Variants in AGMO observed in about 807,000 individuals in gnomAD.
AGMO encodes the protein glyceryl-ether monooxygenase.
A neutral mutation model predicts 60.2 loss-of-function variants in AGMO; 75 were observed. The observed-to-expected ratio is 1.25, with a 90% CI of 1.03 to 1.51. AGMO has a LOEUF of 1.51. Ranked by LOEUF, AGMO falls within the 40% of genes most tolerant of loss-of-function variation. The probability of loss-of-function intolerance (pLI) is 0.00; values close to 1 mark genes in which losing one functional copy is unlikely to be tolerated. For synonymous variants in AGMO, 261 were observed against 177.1 expected (o/e 1.47, Z -3.76); for missense variants, 763 against 525.5 (o/e 1.45, Z -4.42).
intron 3 of AGMO, among the ~76,000 whole-genome samples, chr7:15,536,318 T>C (rs746891346): frequency 4.6e-5 from 7 of 151,902 alleles, no homozygotes; most frequent in Non-Finnish European, 1.0e-4. Context: ...TTTTTACCAC[T>C]ATACTTGTCG....
At chr7:15,341,137 T>C (rs997853865) in intron 12 of AGMO, among the ~76,000 whole-genome samples, 1 of 152,174 alleles carries the variant, frequency 6.6e-6, no homozygotes, top group Non-Finnish European at 1.5e-5. Flanking sequence ...CCCCTTGTCT[T>C]GGTGATTAAC....
intron 12 of AGMO, among the ~76,000 whole-genome samples, chr7:15,320,110 T>A (rs1781062249): frequency 1.0e-5 from 1 of 99,080 alleles, no homozygotes; most frequent in African/African-American, 5.6e-5. Flanking sequence ...CTTGGGCCTG[T>A]TGTGGGGTGG....
At chr7:15,125,594 G>C in the AGMO span, among the ~76,000 whole-genome samples, 1 of 151,908 alleles carries the variant, frequency 6.6e-6, no homozygotes, top group African/African-American at 2.4e-5. Context: ...TAGTGTTTAT[G>C]CTTACCAGGT....
rs548774406 is a variant in AGMO, at chr7:15,346,947, G to C, written c.1263+18567C>G. Among the ~76,000 whole-genome samples the C allele has an allele frequency of 4.0e-5, 6 of 151,794 alleles. No homozygotes were observed. The East Asian group carries it at 9.7e-4, about 24-fold the overall frequency. ...AACGACTCTTTGGAGTGTAAATATA[G>C]GCTCCTTTTTTAAGTATGTACTACA... On this transcript the variant is annotated intron_variant, in intron 12 of 12. Coordinates refer to ENST00000342526, the MANE Select transcript of AGMO (RefSeq NM_001004320.2).
intron 4 of AGMO, among the ~76,000 whole-genome samples, chr7:15,418,879 G>A (rs541894874): frequency 3.3e-5 from 5 of 151,778 alleles, no homozygotes; most frequent in African/African-American, 9.6e-5. Context: ...ATTTAATATT[G>A]TCTAGTTAAA....
At chr7:15,145,354 A>T in the AGMO span, among the ~76,000 whole-genome samples, 156 of 152,340 alleles carry the variant, frequency 1.0e-3, no homozygotes, top group Non-Finnish European at 1.9e-3. Flanking sequence ...TTATTTAAAG[A>T]TATTTAAAAT....
intron 12 of AGMO, among the ~76,000 whole-genome samples, chr7:15,322,820 T>G (rs904683222): frequency 5.0e-5 from 7 of 140,450 alleles, no homozygotes; most frequent in Non-Finnish European, 1.1e-4. Flanking sequence ...TACACATACA[T>G]GTGACACATA....
intron 12 of AGMO, among the ~76,000 whole-genome samples, chr7:15,339,341 G>A (rs1781759881): frequency 6.6e-6 from 1 of 152,142 alleles, no homozygotes; most frequent in Non-Finnish European, 1.5e-5. Context: ...CAAATGGAAT[G>A]CTGTCATTTT....
intron 12 of AGMO, among the ~76,000 whole-genome samples, chr7:15,280,067 A>C (rs1307822806): frequency 6.6e-6 from 1 of 152,192 alleles, no homozygotes; most frequent in Non-Finnish European, 1.5e-5. Flanking sequence ...CCTTGGCCAG[A>C]ATCAGGGGGT....
intron 3 of AGMO, among the ~76,000 whole-genome samples, chr7:15,466,307 A>G (rs760264453): frequency 2.6e-5 from 4 of 152,198 alleles, no homozygotes; most frequent in Non-Finnish European, 5.9e-5. Context: ...GCCAGGATTC[A>G]ATTCTGGGTA....
At chr7:15,493,838 T>C (rs192779555) in intron 3 of AGMO, among the ~76,000 whole-genome samples, 1 of 152,162 alleles carries the variant, frequency 6.6e-6, no homozygotes, top group African/African-American at 2.4e-5. Context: ...TCATGTGTAA[T>C]GTATGCTTCT....
intron 8 of AGMO, among the ~76,000 whole-genome samples, chr7:15,390,105 G>A (rs988563801): frequency 6.6e-6 from 1 of 152,126 alleles, no homozygotes; most frequent in African/African-American, 2.4e-5. Context: ...GAGCTTCACA[G>A]ACATTCCTGA....
At chr7:15,431,914 A>G (rs1583545981) in intron 3 of AGMO, among the ~76,000 whole-genome samples, 1 of 151,980 alleles carries the variant, frequency 6.6e-6, no homozygotes, top group East Asian at 1.9e-4. Context: ...TTGATCCCCT[A>G]AGTAGTTGAC....
At chr7:15,314,376 T>C (rs756710645) in intron 12 of AGMO, among the ~76,000 whole-genome samples, 8 of 152,132 alleles carry the variant, frequency 5.3e-5, no homozygotes, top group Admixed American at 1.3e-4. Context: ...TACATATATT[T>C]TGTTCAGTAA....
At chr7:15,452,163 A>G (rs2128505869) in intron 3 of AGMO, among the ~76,000 whole-genome samples, 1 of 152,312 alleles carries the variant, frequency 6.6e-6, no homozygotes, top group Admixed American at 6.5e-5. Context: ...GTGTATCTTC[A>G]TGACATTGGA....
chr7:15,236,539 C>T (rs576401559), intron 12 of AGMO, among the ~76,000 whole-genome samples: 9 of 152,020 alleles, frequency 5.9e-5, no homozygotes, highest in South Asian at 4.2e-4. Flanking sequence ...ATCCCTGCTT[C>T]GACATGGACA....
chr7:15,226,553 A>G (rs1782087401), intron 12 of AGMO, among the ~76,000 whole-genome samples: 1 of 152,098 alleles, frequency 6.6e-6, no homozygotes, highest in Non-Finnish European at 1.5e-5. Flanking sequence ...AAGCCATGCT[A>G]AATTTTTAAA....
At chr7:15,548,283 T>A (rs565009328) in intron 2 of AGMO, among the ~76,000 whole-genome samples, 2 of 152,040 alleles carry the variant, frequency 1.3e-5, no homozygotes, top group African/African-American at 2.4e-5. Context: ...AGGAACGCAG[T>A]TCCTCACCAG....
At chr7:15,208,344 A>G (rs1459773889) in intron 12 of AGMO, among the ~76,000 whole-genome samples, 2 of 152,240 alleles carry the variant, frequency 1.3e-5, no homozygotes, top group Non-Finnish European at 2.9e-5. Context: ...TAAGTATCTT[A>G]GTAAAGGTGT....
Sources: allele counts gnomAD v4.1 joint callset (sites outside exome capture counted in the v4.1 genomes callset), GRCh38; gene constraint gnomAD v4.1.1; transcripts MANE v1.5; gene names NCBI Gene and HGNC (gene_info 2026-07-23, HGNC 2026-07-21).